Variants in CPNE7 observed in about 807,000 individuals in gnomAD.
The protein encoded by CPNE7 is copine 7, also known as copine-7.
CPNE7 carries 78 observed loss-of-function variants against 66.5 expected under a neutral mutation model. That is an observed-to-expected ratio of 1.17 (90% CI 0.98 to 1.42). CPNE7 has a LOEUF of 1.42. Among genes scored for constraint, CPNE7 ranks in the 40% most tolerant of loss-of-function variants. The probability of loss-of-function intolerance (pLI) is 0.00; values close to 1 mark genes in which losing one functional copy is unlikely to be tolerated. For missense variants in CPNE7, 1,012 were observed against 776.6 expected, an observed-to-expected ratio of 1.30 and a Z score of -3.60; for synonymous variants, 468 against 336.7, an observed-to-expected ratio of 1.39 and a Z score of -4.27.
chr16:89,589,963 C>G lies in CPNE7; in HGVS notation c.1116+12C>G, dbSNP rs748906075. On this transcript the variant is annotated intron_variant, in intron 11 of 14. Coordinates refer to ENST00000319518, the MANE Select transcript of CPNE7 (RefSeq NM_153636.3). Reference sequence around the variant, plus strand: ...CTCCCAAGTATGAGGTAGGAGAGCCCAGAACCTGAGACCTCAGAGCTGTGC... The same window carrying G: ...CTCCCAAGTATGAGGTAGGAGAGCCGAGAACCTGAGACCTCAGAGCTGTGC... 4.8e-5 allele frequency: 78 copies of G among 1,613,266 alleles called. No individual in the cohort carries two copies. The highest frequency in any genetic ancestry group is 6.4e-5 in the Non-Finnish European group (75 of 1,179,900).
chr16:89,585,091 A>C (rs1314421432), intron 5 of CPNE7, among the ~76,000 whole-genome samples: 1 of 152,218 alleles, frequency 6.6e-6, no homozygotes, highest in Non-Finnish European at 1.5e-5. Context: ...GATTATTTTT[A>C]GACCTACCTT....
chr16:89,578,621 A>G (rs1050944538), intron 2 of CPNE7, among the ~76,000 whole-genome samples: 5 of 151,574 alleles, frequency 3.3e-5, no homozygotes, highest in Non-Finnish European at 7.4e-5. Flanking sequence ...TTAGCCGGGC[A>G]TGGTGGCATG....
intron 13 of CPNE7, among the ~76,000 whole-genome samples, chr16:89,593,532 T>C (rs1463670421): frequency 2.0e-5 from 3 of 152,076 alleles, no homozygotes; most frequent in Non-Finnish European, 4.4e-5. Context: ...TTTTGTATTT[T>C]TAGTAGAGAC....
rs947292111 is a variant in CPNE7 at position 89,596,894 on chromosome 16, G to T, written c.*273G>T. 1.3e-5 allele frequency: 5 copies of T among 374,432 alleles called. No individual in the cohort carries two copies. The highest frequency in any genetic ancestry group is 1.0e-4 in the African/African-American group (5 of 47,788). 23.2% of individuals were successfully genotyped at this position (374,432 alleles called of 1,614,324 possible). ...GATCATGAGGGACTTGGAGGGAGCT[G>T]GGAGTTCATCCACGGGAGACCCTGC... is the stretch of plus-strand genomic sequence containing the variant. On this transcript the variant is annotated 3_prime_UTR_variant, in exon 15 of 15. Transcript: ENST00000319518.
At chr16:89,576,153 C>A (rs1238966208) in intron 1 of CPNE7, 82 bp downstream of exon 1, 3 of 1,171,866 alleles carry the variant, frequency 2.6e-6, no homozygotes, top group South Asian at 3.9e-5. Context: ...AGAGCGGGCG[C>A]GCTGAGGCCA....
chr16:89,584,715 T>G lies in CPNE7; in HGVS notation c.508-59T>G, dbSNP rs1350312626. ...AGCCCTGGGAAACGACAAAGCCAGCTCCCATCCAAAGCCCGATCTCACAGT... is the reference window on the plus strand; with the variant it reads ...AGCCCTGGGAAACGACAAAGCCAGCGCCCATCCAAAGCCCGATCTCACAGT... On this transcript the variant is annotated intron_variant, in intron 4 of 14. Coordinates refer to ENST00000319518, the MANE Select transcript of CPNE7 (RefSeq NM_153636.3). This position sits in a 1 kb window ranked among gnomAD's most constrained non-coding sequence, Gnocchi z 6.0. The G allele has an allele frequency of 2.3e-6, 3 of 1,308,046 alleles. No homozygotes were observed. The highest frequency in any genetic ancestry group is 2.9e-5 in the African/African-American group (2 of 68,926). 81.0% of individuals were successfully genotyped at this position (1,308,046 alleles called of 1,614,324 possible). A position where few individuals can be genotyped will look rare whatever the true frequency, so the allele number is the denominator to read the frequency against.
At position 89,596,877 on chromosome 16, in the gene CPNE7, G is replaced by C; in HGVS notation, c.*256G>C. On this transcript the variant is annotated 3_prime_UTR_variant, in exon 15 of 15. Transcript: ENST00000319518. Reference sequence around the variant, plus strand: ...GTGGGTGGAGGGAGGGAGATCATGAGGGACTTGGAGGGAGCTGGGAGTTCA... The same window carrying C: ...GTGGGTGGAGGGAGGGAGATCATGACGGACTTGGAGGGAGCTGGGAGTTCA... 2.5e-6 allele frequency: 1 copy of C among 401,740 alleles called. No individual in the cohort carries two copies. Among genetic ancestry groups the C allele is most frequent in the Non-Finnish European group, 4.4e-6 (1 of 228,464 alleles). The allele number at this position is 401,740 out of a possible 1,614,324, so 24.9% of individuals were successfully genotyped here. A position where few individuals can be genotyped will look rare whatever the true frequency, so the allele number is the denominator to read the frequency against.
At chr16:89,592,601 C>T (rs1011084839) in intron 13 of CPNE7, among the ~76,000 whole-genome samples, 4 of 150,488 alleles carry the variant, frequency 2.7e-5, no homozygotes, top group African/African-American at 9.8e-5. Flanking sequence ...CGCCACCACG[C>T]CCGGCTAATT....
intron 2 of CPNE7, among the ~76,000 whole-genome samples, chr16:89,581,365 G>C (rs1040463017): frequency 6.6e-6 from 1 of 151,376 alleles, no homozygotes; most frequent in Non-Finnish European, 1.5e-5. Flanking sequence ...CCCATCACAC[G>C]GAACATCCCG....
intron 13 of CPNE7, chr16:89,594,227 G>A (rs554547257): frequency 6.6e-6 from 1 of 152,018 alleles, no homozygotes; most frequent in Admixed American, 6.5e-5. Context: ...GGGTTGGGAG[G>A]GGGTGGGGGG....
Position 89,595,794 on chromosome 16 carries a change from C to A in CPNE7, c.1539+191C>A, listed in dbSNP as rs181063848. ...CAGGACTTTGAGCACCTGAAACACC[C>A]TCCACCGTTTTGAAACTTGTCGAAT... On this transcript the variant is annotated intron_variant, in intron 14 of 14. Transcript: ENST00000319518. 6.6e-4 allele frequency: 463 copies of A among 702,638 alleles called. 1 individual carries two copies. Among genetic ancestry groups the A allele is most frequent in the Admixed American group, 9.6e-4 (48 of 49,850 alleles). 43.5% of individuals were successfully genotyped at this position (702,638 alleles called of 1,614,324 possible).
chr16:89,583,243 A>G (rs2058982202), intron 2 of CPNE7, among the ~76,000 whole-genome samples: 1 of 151,930 alleles, frequency 6.6e-6, no homozygotes, highest in Non-Finnish European at 1.5e-5. Context: ...GGCTACGTGG[A>G]CATGCTGGGC....
rs1042955476 is a variant in CPNE7, at chr16:89,586,593, G to T, written c.781-77G>T. On this transcript the variant is annotated intron_variant, in intron 7 of 14. Transcript: ENST00000319518. ...GGGGCCCTCTGCCGTCGCTATTGGGGATGGTCTTGGGTAGGGTCTCCCTGG... is the reference window on the plus strand; with the variant it reads ...GGGGCCCTCTGCCGTCGCTATTGGGTATGGTCTTGGGTAGGGTCTCCCTGG... 3.7e-5 allele frequency: 45 copies of T among 1,207,662 alleles called. No homozygotes were observed. The Admixed American group carries it at 7.0e-4, about 19-fold the overall frequency. The allele number at this position is 1,207,662 out of a possible 1,614,324, so 74.8% of individuals were successfully genotyped here. A position where few individuals can be genotyped will look rare whatever the true frequency, so the allele number is the denominator to read the frequency against.
At chr16:89,595,915 C>A in intron 14 of CPNE7, 1 of 558,974 alleles carries the variant, frequency 1.8e-6, no homozygotes, top group South Asian at 1.5e-5. Context: ...GAGACACGCA[C>A]AGCACACACG....
chr16:89,583,250 G>A (rs2058982332), intron 2 of CPNE7, among the ~76,000 whole-genome samples: 1 of 152,166 alleles, frequency 6.6e-6, no homozygotes, highest in South Asian at 2.1e-4. Flanking sequence ...TGGACATGCT[G>A]GGCGTGAGGG....
chr16:89,581,190 T>C (rs1405766560), intron 2 of CPNE7, among the ~76,000 whole-genome samples: 1 of 146,482 alleles, frequency 6.8e-6, no homozygotes. Flanking sequence ...CGTCTCCCGC[T>C]GACACGGAAT....
At chr16:89,585,969 GGTTGGGGGGGCC>G in intron 7 of CPNE7, among the ~76,000 whole-genome samples, 184 bp downstream of exon 7, 1 of 120,364 alleles carries the variant, frequency 8.3e-6, no homozygotes, top group African/African-American at 3.2e-5. Context: ...GGGAGGAGCA[GGTTGGGGGGGCC>G]TTTGGGGAGG....
In CPNE7 at chr16:89,588,326, G is replaced by A. The variant is rs544735789; in HGVS notation, c.928-349G>A. Among the ~76,000 whole-genome samples, 18 of 152,330 alleles carry A rather than the reference G, an allele frequency of 1.2e-4. No homozygotes were observed. In the South Asian group the frequency reaches 1.7e-3, roughly 14 times the overall value. On this transcript the variant is annotated intron_variant, in intron 9 of 14. Transcript: ENST00000319518. ...TGGGAGAAGCCAGCAAGTGGGAAAC[G>A]TGGGGGGACCCAGACCAGGCTTGGT... is the stretch of plus-strand genomic sequence containing the variant.
At chr16:89,582,059 A>G (rs1287086786) in intron 2 of CPNE7, among the ~76,000 whole-genome samples, 1 of 152,232 alleles carries the variant, frequency 6.6e-6, no homozygotes, top group Non-Finnish European at 1.5e-5. Context: ...CTGCGTGCAG[A>G]TATGAATGTG....
Sources: gnomAD v4.1 joint callset for allele counts (sites outside exome capture counted in the v4.1 genomes callset) on GRCh38, gnomAD v4.1.1 for gene constraint, Gnocchi (gnomAD v3.1) non-coding constraint, MANE v1.5 for transcripts, NCBI Gene and HGNC (gene_info 2026-07-23, HGNC 2026-07-21) for gene names.